Variants in PCDH15 observed in about 807,000 individuals in gnomAD.
PCDH15 encodes protocadherin-15.
PCDH15 carries 129 observed loss-of-function variants against 178.5 expected under a neutral mutation model. That is an observed-to-expected ratio of 0.72 (90% CI 0.63 to 0.84). The LOEUF (loss-of-function observed/expected upper bound fraction) is 0.84. PCDH15 is among the 40% of genes least tolerant of loss of function. The pLI, the probability that PCDH15 is intolerant of heterozygous loss-of-function variation, is 0.00. For missense variants in PCDH15, 2,230 were observed against 2,099.9 expected (o/e 1.06, Z -1.21); for synonymous variants, 800 against 732.0 (o/e 1.09, Z -1.50).
At chr10:54,356,453 A>C (rs994654125) in intron 5 of PCDH15, among the ~76,000 whole-genome samples, 2 of 151,886 alleles carry the variant, frequency 1.3e-5, no homozygotes, top group Non-Finnish European at 2.9e-5. Context: ...TTTTCAACTT[A>C]ATTTTCATTA....
intron 2 of PCDH15, among the ~76,000 whole-genome samples, chr10:55,084,859 T>C (rs1448562033): frequency 1.3e-5 from 2 of 151,900 alleles, no homozygotes; most frequent in Non-Finnish European, 2.9e-5. Flanking sequence ...GCACTGCAAA[T>C]GAAAATTACA....
chr10:54,994,044 T>G (rs1839575941), intron 2 of PCDH15, among the ~76,000 whole-genome samples: 1 of 152,152 alleles, frequency 6.6e-6, no homozygotes, highest in Non-Finnish European at 1.5e-5. Flanking sequence ...AGAAGCAAAG[T>G]TTTAAACCCA....
intron 2 of PCDH15, among the ~76,000 whole-genome samples, chr10:55,526,074 C>G (rs1667914306): frequency 6.6e-6 from 1 of 151,930 alleles, no homozygotes. Flanking sequence ...ATTTCCTTCT[C>G]AGATATTCAG....
chr10:55,012,717 T>C (rs1188464226), intron 2 of PCDH15, among the ~76,000 whole-genome samples: 1 of 152,112 alleles, frequency 6.6e-6, no homozygotes, highest in Non-Finnish European at 1.5e-5. Flanking sequence ...TCCTTCTAAA[T>C]TTCTGACTCC....
intron 1 of PCDH15, among the ~76,000 whole-genome samples, chr10:54,697,418 A>T (rs1266925221): frequency 4.6e-5 from 7 of 151,612 alleles, no homozygotes; most frequent in Admixed American, 4.6e-4. Context: ...TTACCTGAGA[A>T]CACAGTTTAA....
intron 15 of PCDH15, among the ~76,000 whole-genome samples, chr10:54,115,617 C>T (rs956194530): frequency 2.0e-5 from 3 of 152,166 alleles, no homozygotes; most frequent in Admixed American, 1.3e-4. Flanking sequence ...CCCTGAAGGA[C>T]CATATCACAT....
intron 2 of PCDH15, among the ~76,000 whole-genome samples, chr10:54,644,804 G>C (rs1390232407): frequency 6.6e-6 from 1 of 152,270 alleles, no homozygotes; most frequent in East Asian, 1.9e-4. Context: ...TGGGCCCTTA[G>C]GAGGTGATTA....
chr10:54,636,524 G>T (rs560252455), intron 2 of PCDH15, among the ~76,000 whole-genome samples: 3 of 151,964 alleles, frequency 2.0e-5, no homozygotes, highest in African/African-American at 7.2e-5. Flanking sequence ...TGTCATGAAT[G>T]ATGTTGACAA....
At chr10:54,590,492 T>A (rs529127850) in intron 2 of PCDH15, among the ~76,000 whole-genome samples, 9 of 152,344 alleles carry the variant, frequency 5.9e-5, no homozygotes, top group Admixed American at 5.2e-4. Context: ...TTTACACATA[T>A]TCGGGACCAA....
chr10:53,848,193 T>C (rs967392928), intron 28 of PCDH15, among the ~76,000 whole-genome samples: 2 of 151,540 alleles, frequency 1.3e-5, no homozygotes, highest in African/African-American at 4.8e-5. Flanking sequence ...GTACCATGAG[T>C]TGGGGTGAAT....
intron 3 of PCDH15, among the ~76,000 whole-genome samples, chr10:54,861,010 C>T (rs947253288): frequency 1.3e-5 from 2 of 152,184 alleles, no homozygotes; most frequent in Non-Finnish European, 2.9e-5. Flanking sequence ...TTAGTATTAA[C>T]CAATCTGATT....
intron 2 of PCDH15, among the ~76,000 whole-genome samples, chr10:55,349,662 C>T (rs1213613233): frequency 1.3e-5 from 2 of 151,956 alleles, no homozygotes; most frequent in African/African-American, 4.8e-5. Context: ...ATTAATAGAA[C>T]ATTTGCTGTA....
In PCDH15 at chr10:55,222,429, G is replaced by T. The variant is rs576409946; in HGVS notation, c.-155-55778C>A. On this transcript the variant is annotated intron_variant, in intron 1 of 5. Transcript: ENST00000458638. ...GCATTTAATATATATCTTTTGGAAA[G>T]GTGAGAGGAGAAACAACATCTTTAA... is the stretch of plus-strand genomic sequence containing the variant. Among the ~76,000 whole-genome samples, 3 of 151,856 alleles carry T rather than the reference G, an allele frequency of 2.0e-5. No homozygotes were observed. In the East Asian group the frequency reaches 5.8e-4, roughly 29 times the overall value.
intron 2 of PCDH15, among the ~76,000 whole-genome samples, chr10:55,140,569 A>G (rs1838322677): frequency 6.6e-6 from 1 of 151,864 alleles, no homozygotes; most frequent in African/African-American, 2.4e-5. Context: ...AAGTTTTATT[A>G]TTTTTTATTT....
At chr10:53,869,830 A>G (rs1317069391) in intron 26 of PCDH15, among the ~76,000 whole-genome samples, 2 of 152,138 alleles carry the variant, frequency 1.3e-5, no homozygotes, top group Admixed American at 1.3e-4. Context: ...ACTTGGAGTC[A>G]CAATCTGAGA....
chr10:54,150,407 T>C (rs2044406913), intron 14 of PCDH15, among the ~76,000 whole-genome samples: 1 of 152,092 alleles, frequency 6.6e-6, no homozygotes, highest in Non-Finnish European at 1.5e-5. Flanking sequence ...CTGACAAGTT[T>C]GATCTCGTAA....
intron 20 of PCDH15, among the ~76,000 whole-genome samples, chr10:53,996,894 A>C (rs2091880084): frequency 6.6e-6 from 1 of 152,124 alleles, no homozygotes; most frequent in African/African-American, 2.4e-5. Context: ...GCTAGTAAAA[A>C]CAAAATTTAA....
chr10:54,744,344 T>C (rs529431468), intron 1 of PCDH15, among the ~76,000 whole-genome samples: 1 of 152,220 alleles, frequency 6.6e-6, no homozygotes, highest in South Asian at 2.1e-4. Flanking sequence ...TTCTGACCCA[T>C]GGAAACTGAG....
chr10:54,714,084 C>T (rs10740592), intron 1 of PCDH15, among the ~76,000 whole-genome samples: 131,201 of 152,144 alleles, frequency 0.86, 57,245 homozygotes, highest in Middle Eastern at 0.93. Context: ...GTAGCAGCCC[C>T]TTTATTCTTC....
Sources: allele counts gnomAD v4.1 joint callset (sites outside exome capture counted in the v4.1 genomes callset), GRCh38; gene constraint gnomAD v4.1.1; transcripts MANE v1.5; gene names NCBI Gene and HGNC (gene_info 2026-07-23, HGNC 2026-07-21).